PCDHGA6: variants seen among roughly 807,000 people sequenced by gnomAD.
PCDHGA6 encodes the protein protocadherin gamma subfamily A, 6.
In PCDHGA6, 41 loss-of-function variants were observed where a neutral mutation model predicts 60.6. The ratio of observed to expected loss-of-function variants is 0.68; its 90% CI spans 0.53 to 0.88. PCDHGA6 has a LOEUF of 0.88. PCDHGA6 is among the 40% of genes least tolerant of loss of function. The pLI is 0.00. For missense variants in PCDHGA6, 1,312 were observed against 1,203.0 expected (o/e 1.09, Z -1.34); for synonymous variants, 594 against 524.4 (o/e 1.13, Z -1.81).
At chr5:141,389,141 C>T (rs919430175) in intron 1 of PCDHGA6, 1 of 1,613,996 alleles carries the variant, frequency 6.2e-7, no homozygotes, top group Non-Finnish European at 8.5e-7. Flanking sequence ...ACAATATAAC[C>T]GTTACGGCAA....
At chr5:141,479,862 C>T (rs2099508997) in intron 1 of PCDHGA6, among the ~76,000 whole-genome samples, 1 of 152,170 alleles carries the variant, frequency 6.6e-6, no homozygotes, top group Non-Finnish European at 1.5e-5. Flanking sequence ...GGCCTTTGCC[C>T]TGGAGAGAAC....
chr5:141,489,375 G>T lies in PCDHGA6; in HGVS notation c.2425-5432G>T. 6.2e-7 allele frequency: 1 copy of T among 1,613,826 alleles called. No homozygotes were observed. Among genetic ancestry groups the T allele is most frequent in the Non-Finnish European group, 8.5e-7 (1 of 1,179,724 alleles). On this transcript the variant is annotated intron_variant, in intron 1 of 3. Transcript: ENST00000517434. This position sits in a 1 kb window ranked among gnomAD's most constrained non-coding sequence, Gnocchi z 4.5. ...AGGAGTCTGAGCCGGGGACGCTGGT[G>T]GGGAATGTTGCTCAGGATCTGGGCT...
intron 1 of PCDHGA6, among the ~76,000 whole-genome samples, chr5:141,449,310 A>G (rs1006876700): frequency 4.6e-5 from 7 of 152,112 alleles, no homozygotes; most frequent in Non-Finnish European, 7.4e-5. Context: ...TATGTATTAT[A>G]TAATTGTATC....
In PCDHGA6 at chr5:141,376,095, T is replaced by A; in HGVS notation, c.2012T>A (p.Ile671Asn). The change falls in exon 1 of 4, where the codon ATC becomes AAC. Residue 671 changes from isoleucine to asparagine, a missense_variant. Physicochemically the swap from Ile to Asn is moderately radical, Grantham distance 149. Coordinates refer to ENST00000517434, the MANE Select transcript of PCDHGA6 (RefSeq NM_018919.3). ...TVAVADRIPDILADLGSLEPS... is the reference protein window; with the variant it reads ...TVAVADRIPDNLADLGSLEPS... Reference sequence around the variant, plus strand: ...GCCGTGGCCGACAGGATCCCCGACATCCTGGCCGACCTGGGCAGCCTCGAG... The same window carrying A: ...GCCGTGGCCGACAGGATCCCCGACAACCTGGCCGACCTGGGCAGCCTCGAG... 6.2e-6 allele frequency: 10 copies of A among 1,613,628 alleles called. No individual in the cohort carries two copies. Among genetic ancestry groups the A allele is most frequent in the Non-Finnish European group, 8.5e-6 (10 of 1,179,900 alleles).
In PCDHGA6 at chr5:141,415,612, G is replaced by A. The variant is rs745660439; in HGVS notation, c.2424+39105G>A. 12 of 1,612,854 alleles carry A rather than the reference G, an allele frequency of 7.4e-6. No homozygotes were observed. The South Asian group carries it at 1.2e-4, about 16-fold the overall frequency. ...TATAGAGGATACCCCATTGGTTCCA[G>A]TGAGTTTTATTTTCATTTTTACTTT... On this transcript the variant is annotated intron_variant, in intron 1 of 3. Transcript: ENST00000517434.
chr5:141,413,895 T>A (rs749075692), intron 1 of PCDHGA6: 2 of 1,613,308 alleles, frequency 1.2e-6, no homozygotes, highest in South Asian at 2.2e-5. Flanking sequence ...TCGATGCAAA[T>A]GACAACGCGC....
At chr5:141,388,692 G>A (rs2091455947) in intron 1 of PCDHGA6, 1 of 1,613,870 alleles carries the variant, frequency 6.2e-7, no homozygotes, top group Non-Finnish European at 8.5e-7. Flanking sequence ...CACGGACCAG[G>A]ATGAGGGTGT....
intron 1 of PCDHGA6, chr5:141,423,755 G>T (rs1236551808): frequency 9.8e-6 from 5 of 512,508 alleles, no homozygotes; most frequent in Non-Finnish European, 1.3e-5. Flanking sequence ...CTGTTTGGGG[G>T]GGGGGTGGGG....
Position 141,422,887 on chromosome 5 carries a change from C to G in PCDHGA6, c.2424+46380C>G, listed in dbSNP as rs2154549815. ...CAACGTGTCGCTGAGCCTGTTCGTG[C>G]TGGACCAGAACGACAATGCGCCCGA... On this transcript the variant is annotated intron_variant, in intron 1 of 3. Coordinates refer to ENST00000517434, the MANE Select transcript of PCDHGA6 (RefSeq NM_018919.3). The G allele has an allele frequency of 2.5e-6, 4 of 1,614,264 alleles. No homozygotes were observed. In the Middle Eastern group the frequency reaches 4.9e-4, roughly 200 times the overall value.
rs375310818 is a variant in PCDHGA6 at position 141,376,558 on chromosome 5, C to A, written c.2424+51C>A. On this transcript the variant is annotated intron_variant, in intron 1 of 3. Transcript: ENST00000517434. Reference sequence around the variant, plus strand: ...AAGAGTAATCTGATCTTCCCGCAACCCAACTAATCAGACAGGCTCATCAGC... The same window carrying A: ...AAGAGTAATCTGATCTTCCCGCAACACAACTAATCAGACAGGCTCATCAGC... The A allele has an allele frequency of 6.2e-6, 10 of 1,609,858 alleles. No individual in the cohort carries two copies. In the African/African-American group the frequency reaches 1.3e-4, roughly 22 times the overall value.
chr5:141,392,857 T>TGCTGTGC, intron 1 of PCDHGA6: 1 of 1,612,536 alleles, frequency 6.2e-7, no homozygotes, highest in Non-Finnish European at 8.5e-7. Flanking sequence ...GAGCTGATCC[T>TGCTGTGC]GCTGTGCGCG....
At chr5:141,395,121 T>C (rs773964445) in intron 1 of PCDHGA6, 1 of 1,614,192 alleles carries the variant, frequency 6.2e-7, no homozygotes, top group East Asian at 2.2e-5. Flanking sequence ...TCACCTGATC[T>C]TTCCCCAGCC....
At position 141,402,836 on chromosome 5, in the gene PCDHGA6, A is replaced by G. The variant is rs115293033; in HGVS notation, c.2424+26329A>G. 4.8e-4 allele frequency: 668 copies of G among 1,379,778 alleles called. 2 individuals are homozygous for G. The African/African-American group carries it at 8.5e-3, about 18-fold the overall frequency. 85.5% of individuals were successfully genotyped at this position (1,379,778 alleles called of 1,614,324 possible). On this transcript the variant is annotated intron_variant, in intron 1 of 3. Coordinates refer to ENST00000517434, the MANE Select transcript of PCDHGA6 (RefSeq NM_018919.3). ...ACAAACCTGCTCCCAGGCTGCAGCA[A>G]AACTCAGCCTCTTTCTTCTAAGGAA...
chr5:141,376,676 G>GTCTTTTTTT (rs1773033495), intron 1 of PCDHGA6, 169 bp downstream of exon 1: 1 of 275,812 alleles, frequency 3.6e-6, no homozygotes, highest in Admixed American at 6.8e-5. Context: ...TGAGGGTATC[G>GTCTTTTTTT]TTTTTTTTTT....
chr5:141,421,713 T>G, intron 1 of PCDHGA6: 1 of 1,613,932 alleles, frequency 6.2e-7, no homozygotes, highest in South Asian at 1.1e-5. Flanking sequence ...GGGATCCAGA[T>G]GTGGGCGTGA....
Position 141,432,208 on chromosome 5 carries a change from G to A in PCDHGA6, c.2424+55701G>A, listed in dbSNP as rs150518735. The A allele has an allele frequency of 3.4e-5, 55 of 1,614,196 alleles. No individual in the cohort carries two copies. In the Middle Eastern group the frequency reaches 8.2e-4, roughly 24 times the overall value. Reference sequence around the variant, plus strand: ...CCGCCCACGACCCCGACTGTGAAGAGAACGCCCAGATCACTTATTCCCTGG... The same window carrying A: ...CCGCCCACGACCCCGACTGTGAAGAAAACGCCCAGATCACTTATTCCCTGG... On this transcript the variant is annotated intron_variant, in intron 1 of 3. Transcript: ENST00000517434. The surrounding 1 kb of genome is among the most constrained non-coding windows in gnomAD (Gnocchi z 6.0).
chr5:141,398,686 G>T (rs2093688431), intron 1 of PCDHGA6: 6 of 1,613,920 alleles, frequency 3.7e-6, no homozygotes, highest in Non-Finnish European at 5.1e-6. Context: ...GGAGAAACAG[G>T]ATGGTAGTAA....
At chr5:141,481,913 CAAAA>C (rs34114744) in intron 1 of PCDHGA6, among the ~76,000 whole-genome samples, 1 of 90,848 alleles carries the variant, frequency 1.1e-5, no homozygotes, top group Non-Finnish European at 2.2e-5. Context: ...AACTCCATCT[CAAAA>C]AAAAAAAAAA....
At position 141,477,781 on chromosome 5, in the gene PCDHGA6, A is replaced by G; in HGVS notation, c.2425-17026A>G. 6.2e-7 allele frequency: 1 copy of G among 1,614,036 alleles called. No homozygotes were observed. Among genetic ancestry groups the G allele is most frequent in the South Asian group, 1.1e-5 (1 of 91,090 alleles). Reference sequence around the variant, plus strand: ...TAGCCACCAACATCAGCGTGAACATATTTGTCACTGATCGCAATGACAATG... The same window carrying G: ...TAGCCACCAACATCAGCGTGAACATGTTTGTCACTGATCGCAATGACAATG... On this transcript the variant is annotated intron_variant, in intron 1 of 3. Coordinates refer to ENST00000517434, the MANE Select transcript of PCDHGA6 (RefSeq NM_018919.3). The surrounding 1 kb of genome is among the most constrained non-coding windows in gnomAD (Gnocchi z 4.9).
Sources: gnomAD v4.1 joint callset for allele counts (sites outside exome capture counted in the v4.1 genomes callset) on GRCh38, gnomAD v4.1.1 for gene constraint, Gnocchi (gnomAD v3.1) non-coding constraint, MANE v1.5 for transcripts, NCBI Gene and HGNC (gene_info 2026-07-23, HGNC 2026-07-21) for gene names.